Variants in SVBP observed in about 807,000 individuals in gnomAD.
SVBP encodes the protein small vasohibin binding protein.
A neutral mutation model predicts 9.2 loss-of-function variants in SVBP; 9 were observed. That is an observed-to-expected ratio of 0.98 (90% CI 0.59 to 1.71). The LOEUF is 1.71. Ranked by LOEUF, SVBP falls within the 40% of genes most tolerant of loss-of-function variation. The probability of loss-of-function intolerance (pLI) is 0.00; values close to 1 mark genes in which losing one functional copy is unlikely to be tolerated. For missense variants in SVBP, 63 were observed against 73.2 expected, an observed-to-expected ratio of 0.86 and a Z score of 0.51; for synonymous variants, 27 against 23.9, an observed-to-expected ratio of 1.13 and a Z score of -0.37.
chr1:42,810,488 T>C (rs566521368), intron 2 of SVBP, among the ~76,000 whole-genome samples: 1 of 152,078 alleles, frequency 6.6e-6, no homozygotes. Flanking sequence ...GCTTGCTTCA[T>C]TCACTAAGTA....
At chr1:42,810,127 C>CAT (rs1437390664) in intron 2 of SVBP, among the ~76,000 whole-genome samples, 18 of 100,870 alleles carry the variant, frequency 1.8e-4, no homozygotes, top group Middle Eastern at 5.5e-3. Context: ...TACATACATA[C>CAT]ACACACACAC....
intron 2 of SVBP, among the ~76,000 whole-genome samples, chr1:42,810,745 A>G (rs1298995153): frequency 1.3e-5 from 2 of 152,118 alleles, no homozygotes. Context: ...TCTCTCCTTC[A>G]CATCTAACTT....
At chr1:42,817,037 G>T in intron 1 of SVBP, 153 bp downstream of exon 1, 1 of 375,648 alleles carries the variant, frequency 2.7e-6, no homozygotes, top group Non-Finnish European at 3.7e-6. Flanking sequence ...GGGCCCCATA[G>T]CCAGCCGGGC....
At position 42,807,136 on chromosome 1, in the gene SVBP, AAG is replaced by A. The variant is rs1189618530; in HGVS notation, c.*276_*277del. On this transcript the variant is annotated 3_prime_UTR_variant, in exon 3 of 3. Coordinates refer to ENST00000372521, the MANE Select transcript of SVBP (RefSeq NM_199342.4). Reference sequence around the variant, plus strand: ...ACTGATTTTTCTCAAACAATAGAAAAAGTGTTTTTTGTGTGTGTTTTTTTTTT... The same window carrying A: ...ACTGATTTTTCTCAAACAATAGAAAATGTTTTTTGTGTGTGTTTTTTTTTT... 1 of 277,402 alleles carries A rather than the reference AAG, an allele frequency of 3.6e-6. No homozygotes were observed. Among genetic ancestry groups the A allele is most frequent in the African/African-American group, 2.2e-5 (1 of 44,834 alleles). The allele number at this position is 277,402 out of a possible 1,614,324, so 17.2% of individuals were successfully genotyped here. A position where few individuals can be genotyped will look rare whatever the true frequency, so the allele number is the denominator to read the frequency against.
At chr1:42,816,293 C>A in intron 2 of SVBP, 138 bp downstream of exon 2, 1 of 638,002 alleles carries the variant, frequency 1.6e-6, no homozygotes, top group East Asian at 2.7e-5. Flanking sequence ...TCAGTGTTGT[C>A]CCCTCTAAAC....
chr1:42,811,156 C>T (rs759203014), intron 2 of SVBP, among the ~76,000 whole-genome samples: 36 of 149,482 alleles, frequency 2.4e-4, no homozygotes, highest in Non-Finnish European at 4.7e-4. Context: ...AACAAAAACA[C>T]CAACCAACCA....
intron 2 of SVBP, chr1:42,813,604 C>A: frequency 1.9e-6 from 1 of 529,430 alleles, no homozygotes; most frequent in South Asian, 1.4e-5. Flanking sequence ...TCTCCACAGT[C>A]ACTTTTGATT....
intron 2 of SVBP, among the ~76,000 whole-genome samples, chr1:42,808,064 A>G (rs1452380301): frequency 1.0e-4 from 15 of 149,258 alleles, no homozygotes; most frequent in Admixed American, 7.4e-4. Flanking sequence ...CATGCCAAGG[A>G]ATCTGGATTT....
intron 2 of SVBP, among the ~76,000 whole-genome samples, chr1:42,811,938 T>C (rs992902373): frequency 6.6e-6 from 1 of 151,928 alleles, no homozygotes; most frequent in Non-Finnish European, 1.5e-5. Context: ...TAAAAACGGA[T>C]TTTAACATAA....
At chr1:42,808,276 AATAT>A (rs1033769656) in intron 2 of SVBP, among the ~76,000 whole-genome samples, 2 of 144,588 alleles carry the variant, frequency 1.4e-5, no homozygotes, top group African/African-American at 5.1e-5. Flanking sequence ...TATATATACT[AATAT>A]ATATACACTA....
In SVBP at chr1:42,817,289, G is replaced by A. The variant is rs373374822; in HGVS notation, c.-136C>T. On this transcript the variant is annotated 5_prime_UTR_variant, in exon 1 of 3. Coordinates refer to ENST00000372521, the MANE Select transcript of SVBP (RefSeq NM_199342.4). ...CCTTCCCCCGACCACTGGACCCAGC[G>A]CTGCCTGCCCACCGCCCCTCGTCCT... The A allele has an allele frequency of 1.3e-5, 16 of 1,214,236 alleles. No individual in the cohort carries two copies. In the East Asian group the frequency reaches 4.5e-4, roughly 34 times the overall value. 75.2% of individuals were successfully genotyped at this position (1,214,236 alleles called of 1,614,324 possible).
At position 42,807,354 on chromosome 1, in the gene SVBP, T is replaced by A. The variant is rs1653983130; in HGVS notation, c.*60A>T. On this transcript the variant is annotated 3_prime_UTR_variant, in exon 3 of 3. Coordinates refer to ENST00000372521, the MANE Select transcript of SVBP (RefSeq NM_199342.4). ...AAGGCTCCAAATGGGCCATCTCAGC[T>A]TAAAACTGGCAACACCCTCTCAAAG... The A allele has an allele frequency of 7.6e-7, 1 of 1,308,522 alleles. No homozygotes were observed. The highest frequency in any genetic ancestry group is 1.7e-5 in the Admixed American group (1 of 59,316). The allele number at this position is 1,308,522 out of a possible 1,614,324, so 81.1% of individuals were successfully genotyped here.
intron 2 of SVBP, 52 bp from the exon 3 acceptor site, chr1:42,807,552 G>T: frequency 1.4e-6 from 2 of 1,392,236 alleles, no homozygotes; most frequent in Non-Finnish European, 2.0e-6. Context: ...GCTGCACAAA[G>T]CATCTTCTGA....
chr1:42,816,174 T>C lies in SVBP; in HGVS notation c.114+257A>G, dbSNP rs539580202. The C allele has an allele frequency of 3.8e-4, 157 of 417,394 alleles. 3 individuals carry two copies. The South Asian group carries it at 5.5e-3, about 15-fold the overall frequency. 25.9% of individuals were successfully genotyped at this position (417,394 alleles called of 1,614,324 possible). A position where few individuals can be genotyped will look rare whatever the true frequency, so the allele number is the denominator to read the frequency against. On this transcript the variant is annotated intron_variant, in intron 2 of 2. Coordinates refer to ENST00000372521, the MANE Select transcript of SVBP (RefSeq NM_199342.4). ...CTTTCCCCTTACATATCATTTTTTT[T>C]CCTTTCTTCCTTCCCTTGGGTCTCT... is the stretch of plus-strand genomic sequence containing the variant.
chr1:42,816,847 G>A lies in SVBP; in HGVS notation c.-36-267C>T, dbSNP rs374650944. On this transcript the variant is annotated intron_variant, in intron 1 of 2. Coordinates refer to ENST00000372521, the MANE Select transcript of SVBP (RefSeq NM_199342.4). Reference sequence around the variant, plus strand: ...TAAGTGTTTTCCTGGCCTCCCTCCAGGAGCTGCTGTGTGCGGGTGAAATGC... The same window carrying A: ...TAAGTGTTTTCCTGGCCTCCCTCCAAGAGCTGCTGTGTGCGGGTGAAATGC... The A allele has an allele frequency of 6.3e-3, 1,887 of 298,472 alleles. 12 individuals carry two copies. Among genetic ancestry groups the A allele is most frequent in the Non-Finnish European group, 6.9e-3 (1,101 of 158,698 alleles). 18.5% of individuals were successfully genotyped at this position (298,472 alleles called of 1,614,324 possible).
chr1:42,816,593 G>T lies in SVBP; in HGVS notation c.-36-13C>A. On this transcript the variant is annotated splice_polypyrimidine_tract_variant and intron_variant, in intron 1 of 2. Transcript: ENST00000372521. ...AGGAGGCTCTGATCTGGGTGGTACA[G>T]AAAGAGGCAGATCTTCAAAACAAAA... is the stretch of plus-strand genomic sequence containing the variant. 1 of 1,276,332 alleles carries T rather than the reference G, an allele frequency of 7.8e-7. No individual in the cohort carries two copies. The highest frequency in any genetic ancestry group is 1.1e-6 in the Non-Finnish European group (1 of 879,978). 79.1% of individuals were successfully genotyped at this position (1,276,332 alleles called of 1,614,324 possible). A position where few individuals can be genotyped will look rare whatever the true frequency, so the allele number is the denominator to read the frequency against.
At position 42,816,746 on chromosome 1, in the gene SVBP, G is replaced by A. The variant is rs1270723592; in HGVS notation, c.-36-166C>T. ...GGGGGAGTAGGAACCGAGTCCCAAG[G>A]CCACAACCTCGCTGGGTGTCCCTGG... On this transcript the variant is annotated intron_variant, in intron 1 of 2. Coordinates refer to ENST00000372521, the MANE Select transcript of SVBP (RefSeq NM_199342.4). 6 of 529,318 alleles carry A rather than the reference G, an allele frequency of 1.1e-5. No homozygotes were observed. The African/African-American group carries it at 1.2e-4, about 10-fold the overall frequency. 32.8% of individuals were successfully genotyped at this position (529,318 alleles called of 1,614,324 possible).
At chr1:42,811,058 G>A (rs191615791) in intron 2 of SVBP, among the ~76,000 whole-genome samples, 128 of 152,298 alleles carry the variant, frequency 8.4e-4, no homozygotes, top group Admixed American at 2.1e-3. Context: ...AGAATTGCTT[G>A]AACCTGGGAG....
At chr1:42,814,761 C>G (rs1245173107) in intron 2 of SVBP, among the ~76,000 whole-genome samples, 1 of 152,202 alleles carries the variant, frequency 6.6e-6, no homozygotes, top group Non-Finnish European at 1.5e-5. Flanking sequence ...CACTTTTACA[C>G]TGTTGGTGGG....
Sources: gnomAD v4.1 joint callset for allele counts (sites outside exome capture counted in the v4.1 genomes callset) on GRCh38, gnomAD v4.1.1 for gene constraint, MANE v1.5 for transcripts, NCBI Gene and HGNC (gene_info 2026-07-23, HGNC 2026-07-21) for gene names.